The following ALLC variants were observed in gnomAD, a reference collection of about 807,000 sequenced individuals.
ALLC encodes probable inactive allantoicase.
Under a neutral mutation model 45.0 loss-of-function variants are expected in ALLC, and 40 were observed. That is an observed-to-expected ratio of 0.89 (90% CI 0.69 to 1.16). The LOEUF is 1.16. Among genes scored for constraint, ALLC ranks in the 50% most tolerant of loss-of-function variants. The pLI is 0.00. For missense variants in ALLC, 488 were observed against 493.1 expected (o/e 0.99, Z 0.10); for synonymous variants, 176 against 178.1 (o/e 0.99, Z 0.09).
intron 6 of ALLC, among the ~76,000 whole-genome samples, chr2:3,682,677 C>A (rs184988257): frequency 2.0e-5 from 3 of 152,270 alleles, no homozygotes; most frequent in East Asian, 3.9e-4. Context: ...AGGCGCCCGC[C>A]ACCACGCCCG....
At chr2:3,684,832 A>G (rs111801220) in intron 7 of ALLC, among the ~76,000 whole-genome samples, 273 of 152,236 alleles carry the variant, frequency 1.8e-3, no homozygotes, top group African/African-American at 6.3e-3. Flanking sequence ...AGGTATATAT[A>G]TATTTATGGG....
chr2:3,698,422 C>T (rs1326926369), intron 10 of ALLC, among the ~76,000 whole-genome samples: 1 of 152,146 alleles, frequency 6.6e-6, no homozygotes, highest in Admixed American at 6.5e-5. Flanking sequence ...ATGGGAGGCA[C>T]CTTTTTACAG....
intron 7 of ALLC, chr2:3,688,584 A>C: frequency 4.8e-6 from 1 of 206,990 alleles, no homozygotes; most frequent in Non-Finnish European, 1.0e-5. Flanking sequence ...CATGATTCAC[A>C]CCCCACATAA....
At chr2:3,682,070 G>A (rs767465893) in intron 6 of ALLC, among the ~76,000 whole-genome samples, 2 of 151,876 alleles carry the variant, frequency 1.3e-5, no homozygotes, top group East Asian at 1.9e-4. Flanking sequence ...TAAAAGAAAC[G>A]GGGGAAAAAA....
chr2:3,681,132 T>C (rs796514868), intron 5 of ALLC, among the ~76,000 whole-genome samples: 13 of 152,310 alleles, frequency 8.5e-5, no homozygotes, highest in African/African-American at 3.1e-4. Context: ...TCCCTGAAGA[T>C]GGCTGGGGCA....
At chr2:3,674,249 A>G (rs968849395) in intron 3 of ALLC, 124 bp downstream of exon 3, 2 of 735,398 alleles carry the variant, frequency 2.7e-6, no homozygotes, top group Non-Finnish European at 4.7e-6. Context: ...AAATTAGCAT[A>G]TTAGAATGTT....
intron 2 of ALLC, 79 bp downstream of exon 2, chr2:3,671,269 A>G: frequency 1.3e-6 from 2 of 1,493,772 alleles, no homozygotes; most frequent in Non-Finnish European, 1.8e-6. Flanking sequence ...AGAGAACCTC[A>G]TGCAAGAATC....
chr2:3,661,691 T>C (rs1666581013), intron 1 of ALLC, among the ~76,000 whole-genome samples: 1 of 152,226 alleles, frequency 6.6e-6, no homozygotes, highest in Non-Finnish European at 1.5e-5. Flanking sequence ...TGCTTTTCAC[T>C]TTGGTGGTGA....
intron 8 of ALLC, 62 bp from the exon 9 acceptor site, chr2:3,696,213 A>G (rs183990426): frequency 3.0e-6 from 4 of 1,315,056 alleles, no homozygotes; most frequent in Middle Eastern, 1.8e-4. Context: ...AATTACAGCA[A>G]TGTATTCATC....
chr2:3,654,810 G>A (rs756209050), upstream of ALLC, among the ~76,000 whole-genome samples: 1 of 152,186 alleles, frequency 6.6e-6, no homozygotes, highest in African/African-American at 2.4e-5. Flanking sequence ...TCACAGACAG[G>A]GCATTTGCAA....
intron 9 of ALLC, 48 bp downstream of exon 9, chr2:3,696,396 T>C (rs772418538): frequency 9.5e-6 from 14 of 1,479,946 alleles, no homozygotes; most frequent in Admixed American, 2.1e-5. Flanking sequence ...TTAAAAGTAT[T>C]TTTTGGAACT....
chr2:3,679,778 T>C, intron 4 of ALLC, 91 bp from the exon 5 acceptor site: 2 of 1,558,030 alleles, frequency 1.3e-6, no homozygotes, highest in Non-Finnish European at 1.8e-6. Flanking sequence ...GCCCCTGCTG[T>C]GGGTCAGGTG....
the ALLC span, among the ~76,000 whole-genome samples, chr2:3,651,300 G>GAT: frequency 2.2e-4 from 18 of 80,332 alleles, 2 homozygotes; most frequent in African/African-American, 1.4e-3. Context: ...TTCTTTTTGG[G>GAT]TGGGTGGGTG....
chr2:3,690,574 T>C (rs1667488459), intron 7 of ALLC, among the ~76,000 whole-genome samples: 1 of 151,052 alleles, frequency 6.6e-6, no homozygotes, highest in Non-Finnish European at 1.5e-5. Context: ...GCACTGTGGT[T>C]ACCATGAGGC....
At position 3,674,061 on chromosome 2, in the gene ALLC, C is replaced by T. The variant is rs917098467; in HGVS notation, c.34-14C>T. The T allele has an allele frequency of 6.5e-7, 1 of 1,531,372 alleles. No individual in the cohort carries two copies. Among genetic ancestry groups the T allele is most frequent in the Non-Finnish European group, 8.9e-7 (1 of 1,129,528 alleles). 94.9% of individuals were successfully genotyped at this position (1,531,372 alleles called of 1,614,324 possible). ...ATGGTTGCTTTATCTTTCTTTCTTT[C>T]TTTCTTTGTCTAGATTTTATTTGCA... On this transcript the variant is annotated splice_polypyrimidine_tract_variant and intron_variant, in intron 2 of 11. Coordinates refer to ENST00000252505, the MANE Select transcript of ALLC (RefSeq NM_018436.4).
intron 4 of ALLC, among the ~76,000 whole-genome samples, chr2:3,679,290 T>C (rs1667109500): frequency 6.6e-6 from 1 of 152,244 alleles, no homozygotes; most frequent in South Asian, 2.1e-4. Flanking sequence ...AACTCAATAG[T>C]GGCAGACTTG....
intron 4 of ALLC, 119 bp downstream of exon 4, chr2:3,678,674 G>A: frequency 1.3e-6 from 1 of 765,230 alleles, no homozygotes; most frequent in South Asian, 1.7e-5. Context: ...GGAATGCTCT[G>A]TAATCTTGGA....
At chr2:3,653,298 G>T (rs1666378544), upstream of ALLC, among the ~76,000 whole-genome samples, 1 of 152,226 alleles carries the variant, frequency 6.6e-6, no homozygotes, top group African/African-American at 2.4e-5. The surrounding 1 kb of genome is among the most constrained non-coding windows in gnomAD (Gnocchi z 4.1). Context: ...TTGCACAGGG[G>T]TGTGAGGGAC....
intron 7 of ALLC, among the ~76,000 whole-genome samples, chr2:3,693,317 G>A (rs572129854): frequency 7.9e-5 from 12 of 152,254 alleles, no homozygotes; most frequent in African/African-American, 2.6e-4. Flanking sequence ...TGTTTCTCTG[G>A]TTATGATGCT....
Sources: gnomAD v4.1 joint callset for allele counts (sites outside exome capture counted in the v4.1 genomes callset) on GRCh38, gnomAD v4.1.1 for gene constraint, Gnocchi (gnomAD v3.1) non-coding constraint, MANE v1.5 for transcripts, NCBI Gene and HGNC (gene_info 2026-07-23, HGNC 2026-07-21) for gene names.